Variants in BICRAL observed in about 807,000 individuals in gnomAD.
BICRAL encodes the protein BICRA like chromatin remodeling complex associated protein.
Under a neutral mutation model 91.8 loss-of-function variants are expected in BICRAL, and 8 were observed. That is an observed-to-expected ratio of 0.09 (90% CI 0.05 to 0.16). The LOEUF (loss-of-function observed/expected upper bound fraction) is 0.16. BICRAL is among the 10% of genes least tolerant of loss of function. BICRAL has a pLI of 1.00. For synonymous variants in BICRAL, 445 were observed against 491.1 expected, an observed-to-expected ratio of 0.91 and a Z score of 1.24; for missense variants, 1,038 against 1,310.9, an observed-to-expected ratio of 0.79 and a Z score of 3.21.
intron 6 of BICRAL, among the ~76,000 whole-genome samples, chr6:42,843,573 G>A (rs1222005724): frequency 2.0e-5 from 3 of 152,126 alleles, no homozygotes; most frequent in African/African-American, 4.8e-5. Context: ...TGGGCATAGT[G>A]GAAGGATAAG....
At chr6:42,775,447 G>A (rs986339157) in intron 1 of BICRAL, among the ~76,000 whole-genome samples, 2 of 152,172 alleles carry the variant, frequency 1.3e-5, no homozygotes, top group African/African-American at 4.8e-5. Context: ...TCCTGAGCAG[G>A]TGGAATAGAA....
rs142554450 is a variant in BICRAL, at chr6:42,837,071, A to T, written c.1839+6899A>T. 7.5e-3 allele frequency among the ~76,000 whole-genome samples: 1,135 copies of T among 151,828 alleles called. 5 individuals carry two copies. The highest frequency in any genetic ancestry group is 0.034 in the Middle Eastern group (10 of 292). On this transcript the variant is annotated intron_variant, in intron 6 of 12. Transcript: ENST00000314073. ...GCGATTCTCCTGCCTCAGCCTCCCG[A>T]GTAGCTGGGACTACAGGCGTGTGCC...
intron 1 of BICRAL, among the ~76,000 whole-genome samples, chr6:42,798,642 G>A (rs1489426239): frequency 2.0e-5 from 3 of 152,198 alleles, no homozygotes; most frequent in African/African-American, 7.2e-5. Context: ...GTTGTAGTGA[G>A]TTGAGATCAA....
intron 1 of BICRAL, among the ~76,000 whole-genome samples, chr6:42,751,846 G>A (rs533014172): frequency 8.1e-4 from 123 of 151,864 alleles, no homozygotes; most frequent in African/African-American, 2.9e-3. Context: ...TAGTAGAGAC[G>A]GGGTTTCTCC....
In BICRAL at chr6:42,857,611, A is replaced by AT. The variant is rs1315117304; in HGVS notation, c.2254+375_2254+376insT. 4.7e-4 allele frequency among the ~76,000 whole-genome samples: 53 copies of AT among 112,182 alleles called. 1 individual carries two copies. Among genetic ancestry groups the AT allele is most frequent in the African/African-American group, 2.3e-3 (44 of 19,230 alleles). The allele number at this position is 112,182 out of a possible 152,430, so 73.6% of individuals were successfully genotyped here. On this transcript the variant is annotated intron_variant, in intron 10 of 12. Transcript: ENST00000314073. ...GAGACACTGTCTCTTAAAAAAAAAAAAAAATATATATATATATATATATAT... is the reference window on the plus strand; with the variant it reads ...GAGACACTGTCTCTTAAAAAAAAAAATAAAATATATATATATATATATATAT...
At chr6:42,749,858 C>CTT (rs565514146) in intron 1 of BICRAL, among the ~76,000 whole-genome samples, 2 of 139,084 alleles carry the variant, frequency 1.4e-5, no homozygotes, top group Admixed American at 7.2e-5. Context: ...TTGGGAGTTC[C>CTT]TTTTTTTTTT....
intron 5 of BICRAL, among the ~76,000 whole-genome samples, chr6:42,826,360 G>A (rs1414339646): frequency 6.6e-6 from 1 of 150,654 alleles, no homozygotes; most frequent in Non-Finnish European, 1.5e-5. Context: ...TCAGTCTCCT[G>A]AGTAGCTGGT....
At chr6:42,792,101 C>G (rs1378462237) in intron 1 of BICRAL, among the ~76,000 whole-genome samples, 1 of 152,084 alleles carries the variant, frequency 6.6e-6, no homozygotes, top group Non-Finnish European at 1.5e-5. Flanking sequence ...GCTTGGAGGA[C>G]TGGAAGTTGG....
intron 3 of BICRAL, 32 bp from the exon 4 acceptor site, chr6:42,822,764 T>A (rs765035790): frequency 2.9e-5 from 37 of 1,276,084 alleles, no homozygotes; most frequent in Middle Eastern, 2.6e-4. Flanking sequence ...ATTTGTTTGT[T>A]GTTTTATCTC....
At chr6:42,862,433 A>G (rs1182598359) in intron 11 of BICRAL, 77 bp from the exon 12 acceptor site, 4 of 901,184 alleles carry the variant, frequency 4.4e-6, no homozygotes, top group Non-Finnish European at 7.4e-6. Context: ...TTTTGTACCA[A>G]TGTGTAAATT....
intron 10 of BICRAL, among the ~76,000 whole-genome samples, chr6:42,858,772 G>A (rs545962085): frequency 3.9e-5 from 6 of 152,016 alleles, no homozygotes; most frequent in African/African-American, 1.4e-4. Context: ...AGCCGAGATC[G>A]TGCCATTGCA....
At chr6:42,803,109 C>T (rs772313490) in intron 1 of BICRAL, among the ~76,000 whole-genome samples, 2 of 152,114 alleles carry the variant, frequency 1.3e-5, no homozygotes, top group Admixed American at 6.5e-5. Context: ...CATTTACTTC[C>T]GAGTCTTTTA....
At position 42,770,865 on chromosome 6, in the gene BICRAL, A is replaced by G. The variant is rs149540236; in HGVS notation, c.-260-10974A>G. Among the ~76,000 whole-genome samples the G allele has an allele frequency of 4.1e-3, 615 of 150,722 alleles. 3 individuals carry two copies. The highest frequency in any genetic ancestry group is 0.017 in the Middle Eastern group (5 of 294). ...GCCACCACGCCCCGCTAATTTTTGT[A>G]TTTTTAGTAGAGACGGGGTTTCACC... On this transcript the variant is annotated intron_variant, in intron 1 of 14. Coordinates refer to the BICRAL transcript ENST00000614467.
chr6:42,775,506 G>T (rs1257748364), intron 1 of BICRAL, among the ~76,000 whole-genome samples: 2 of 152,172 alleles, frequency 1.3e-5, no homozygotes, highest in African/African-American at 4.8e-5. Context: ...AATACCAGGG[G>T]GACCTGGGAG....
At chr6:42,757,749 T>C (rs528253775) in intron 1 of BICRAL, among the ~76,000 whole-genome samples, 36 of 152,368 alleles carry the variant, frequency 2.4e-4, no homozygotes, top group Non-Finnish European at 4.6e-4. Context: ...TTTTACCTCA[T>C]TGAATCTTCA....
rs1765201226 is a variant in BICRAL at position 42,852,114 on chromosome 6, A to G, written c.1862A>G (p.Gln621Arg). ...CAGGCTCAGAAAAAATGTCTGAATCAGACTTCCCCCATTTCTGCTCCCAAG... is the reference window on the plus strand; with the variant it reads ...CAGGCTCAGAAAAAATGTCTGAATCGGACTTCCCCCATTTCTGCTCCCAAG... Reference protein sequence around the residue: ...FCQAQKKCLNQTSPISAPKTT... With the variant: ...FCQAQKKCLNRTSPISAPKTT... Residue 621 changes from glutamine (Q) to arginine (R), a missense_variant, in exon 7 of 13, where the codon CAG becomes CGG. Gln to Arg is a conservative substitution (Grantham distance 43). Coordinates refer to ENST00000314073, the MANE Select transcript of BICRAL (RefSeq NM_001393499.1). The G allele has an allele frequency of 6.2e-7, 1 of 1,607,476 alleles. No individual in the cohort carries two copies.
upstream of BICRAL, among the ~76,000 whole-genome samples, chr6:42,746,426 C>G (rs1007635736): frequency 1.3e-4 from 20 of 152,024 alleles, no homozygotes. Context: ...TAGAAACTCG[C>G]AGGCCTCCCC....
At chr6:42,830,846 G>A (rs1764455553) in intron 6 of BICRAL, among the ~76,000 whole-genome samples, 2 of 152,086 alleles carry the variant, frequency 1.3e-5, no homozygotes. Context: ...TGAACTCCTG[G>A]GCTCAAGAAA....
intron 1 of BICRAL, among the ~76,000 whole-genome samples, chr6:42,808,049 T>C (rs1281897841): frequency 6.6e-6 from 1 of 152,100 alleles, no homozygotes; most frequent in Non-Finnish European, 1.5e-5. Flanking sequence ...TCAATATTTA[T>C]TATACCCACT....
Sources: gnomAD v4.1 joint callset for allele counts (sites outside exome capture counted in the v4.1 genomes callset) on GRCh38, gnomAD v4.1.1 for gene constraint, MANE v1.5 for transcripts, NCBI Gene and HGNC (gene_info 2026-07-23, HGNC 2026-07-21) for gene names.